PSMA2: variants seen among roughly 807,000 people sequenced by gnomAD.
PSMA2 encodes the protein proteasome subunit alpha type-2.
A neutral mutation model predicts 35.9 loss-of-function variants in PSMA2; 2 were observed. The observed-to-expected ratio is 0.06, with a 90% CI of 0.02 to 0.18. The LOEUF is 0.18. PSMA2 is among the 10% of genes least tolerant of loss of function. PSMA2 has a pLI of 1.00. For missense variants in PSMA2, 126 were observed against 278.8 expected, an observed-to-expected ratio of 0.45 and a Z score of 3.90; for synonymous variants, 97 against 98.2, an observed-to-expected ratio of 0.99 and a Z score of 0.07.
chr7:42,922,871 A>G (rs1322304173), intron 5 of PSMA2, among the ~76,000 whole-genome samples: 6 of 152,188 alleles, frequency 3.9e-5, no homozygotes. Context: ...TAGAGCAGAC[A>G]ACTTACCCAA....
Position 42,922,607 on chromosome 7 carries a change from A to G in PSMA2, c.457-676T>C, listed in dbSNP as rs1786142915. On this transcript the variant is annotated intron_variant, in intron 5 of 7. Transcript: ENST00000223321. Reference sequence around the variant, plus strand: ...AGCTCAGAGATGGAGTAACAACACTATCAAAGTTCCCAAAATACTTATTTT... The same window carrying G: ...AGCTCAGAGATGGAGTAACAACACTGTCAAAGTTCCCAAAATACTTATTTT... Among the ~76,000 whole-genome samples the G allele has an allele frequency of 2.0e-5, 3 of 152,338 alleles. No homozygotes were observed. In the South Asian group the frequency reaches 6.2e-4, roughly 32 times the overall value.
At position 42,924,594 on chromosome 7, in the gene PSMA2, C is replaced by T. The variant is rs1174368505; in HGVS notation, c.374+81G>A. On this transcript the variant is annotated intron_variant, in intron 4 of 7. Coordinates refer to ENST00000223321, the MANE Select transcript of PSMA2 (RefSeq NM_002787.5). The stretch of plus-strand genomic sequence containing the variant: ...TAAGCAAATACAGAAATGGTAAGTC[C>T]CACTCTATTTATATACCTACTCTTT... 3.6e-6 allele frequency: 5 copies of T among 1,371,974 alleles called. No individual in the cohort carries two copies. In the African/African-American group the frequency reaches 7.3e-5, roughly 20 times the overall value. 85.0% of individuals were successfully genotyped at this position (1,371,974 alleles called of 1,614,324 possible).
intron 6 of PSMA2, chr7:42,918,112 C>T (rs1169056306): frequency 2.4e-5 from 4 of 169,610 alleles, no homozygotes; most frequent in African/African-American, 1.0e-4. Flanking sequence ...TCTTGGCTTA[C>T]TGCAAGCTCC....
intron 6 of PSMA2, chr7:42,919,074 T>C: frequency 6.2e-6 from 2 of 321,572 alleles, no homozygotes; most frequent in South Asian, 6.3e-5. Context: ...TCCGCCTGCC[T>C]TGGCCTCCCA....
At position 42,917,838 on chromosome 7, in the gene PSMA2, G is replaced by T; in HGVS notation, c.531-3C>A. 2 of 1,582,300 alleles carry T rather than the reference G, an allele frequency of 1.3e-6. No individual in the cohort carries two copies. Among genetic ancestry groups the T allele is most frequent in the South Asian group, 1.2e-5 (1 of 86,784 alleles). On this transcript the variant is annotated splice_region_variant and splice_polypyrimidine_tract_variant and intron_variant, in intron 6 of 7. Coordinates refer to ENST00000223321, the MANE Select transcript of PSMA2 (RefSeq NM_002787.5). ...CAAGTTCCAGATCTTCATTATATCT[G>T]AAGAATTTAAAAAAAATTACTTATA...
chr7:42,921,630 A>G, intron 6 of PSMA2: 1 of 364,704 alleles, frequency 2.7e-6, no homozygotes, highest in Admixed American at 4.5e-5. Context: ...TTAGGAAACC[A>G]TAGAATGTAG....
intron 1 of PSMA2, among the ~76,000 whole-genome samples, chr7:42,929,071 T>C (rs1224746154): frequency 1.3e-5 from 2 of 152,044 alleles, no homozygotes; most frequent in African/African-American, 4.8e-5. Context: ...CTCGGTCTCT[T>C]TATTATTTTT....
At chr7:42,918,172 G>T in intron 6 of PSMA2, 1 of 164,996 alleles carries the variant, frequency 6.1e-6, no homozygotes, top group Non-Finnish European at 1.3e-5. Flanking sequence ...AAGTAGCTGG[G>T]ACTACAGGCG....
chr7:42,919,673 G>A, intron 6 of PSMA2: 1 of 557,008 alleles, frequency 1.8e-6, no homozygotes, highest in African/African-American at 1.9e-5. Context: ...GCTTTTGACA[G>A]TACAGTAAGT....
In PSMA2 at chr7:42,924,677, T is replaced by C; in HGVS notation, c.372A>G (p.Ser124=). ...VASVMQEYTQ[S]GGVRPFGVSL... is the part of the protein sequence containing the mutation. Reference sequence around the variant, plus strand: ...TTCAAGTAAAAAAAGCAACTTACCCTGACTGAGTATATTCTTGCATCACAG... The same window carrying C: ...TTCAAGTAAAAAAAGCAACTTACCCCGACTGAGTATATTCTTGCATCACAG... The change falls in exon 4 of 8, where the codon TCA becomes TCG. Residue 124 remains serine, a splice_region_variant and synonymous_variant. Coordinates refer to ENST00000223321, the MANE Select transcript of PSMA2 (RefSeq NM_002787.5). The C allele has an allele frequency of 6.2e-7, 1 of 1,610,306 alleles. No individual in the cohort carries two copies. Among genetic ancestry groups the C allele is most frequent in the Non-Finnish European group, 8.5e-7 (1 of 1,177,938 alleles).
chr7:42,923,755 T>G (rs980660895), intron 4 of PSMA2, among the ~76,000 whole-genome samples: 1 of 152,236 alleles, frequency 6.6e-6, no homozygotes, highest in African/African-American at 2.4e-5. Flanking sequence ...AACTTTCAGT[T>G]AATGCAGCTT....
chr7:42,918,067 A>C, intron 6 of PSMA2: 1 of 234,024 alleles, frequency 4.3e-6, no homozygotes, highest in Non-Finnish European at 7.3e-6. Context: ...AGTTTAGTTT[A>C]GGAAACTTTT....
At chr7:42,921,171 G>A (rs557722611) in intron 6 of PSMA2, 1 of 152,166 alleles carries the variant, frequency 6.6e-6, no homozygotes, top group Non-Finnish European at 1.5e-5. Context: ...ACAAAGAAAA[G>A]ACAGATGTTT....
intron 4 of PSMA2, 85 bp from the exon 5 acceptor site, chr7:42,923,491 C>A: frequency 2.0e-6 from 2 of 1,002,616 alleles, no homozygotes; most frequent in Non-Finnish European, 3.1e-6. Flanking sequence ...TCAAATAAAG[C>A]AAATTATCAG....
At chr7:42,928,947 C>A (rs1440044552) in intron 1 of PSMA2, among the ~76,000 whole-genome samples, 1 of 152,086 alleles carries the variant, frequency 6.6e-6, no homozygotes, top group Non-Finnish European at 1.5e-5. Context: ...TCCTGCACTT[C>A]CTCTTTGTCT....
chr7:42,919,903 G>A (rs1786099367), intron 6 of PSMA2: 1 of 755,278 alleles, frequency 1.3e-6, no homozygotes, highest in Admixed American at 1.7e-5. Context: ...TCTGAAGATG[G>A]AACACTGAGA....
intron 6 of PSMA2, chr7:42,919,638 G>T: frequency 5.3e-6 from 3 of 569,412 alleles, no homozygotes; most frequent in South Asian, 3.0e-5. Context: ...GAGAGATTTT[G>T]GTAATAACTT....
At chr7:42,922,332 G>T (rs540370194) in intron 5 of PSMA2, among the ~76,000 whole-genome samples, 1 of 152,044 alleles carries the variant, frequency 6.6e-6, no homozygotes, top group South Asian at 2.1e-4. Flanking sequence ...AGACTGAAGC[G>T]ATTTAAAAAT....
intron 4 of PSMA2, among the ~76,000 whole-genome samples, chr7:42,924,353 C>CAAAAAAAAAA (rs58198756): frequency 5.8e-5 from 4 of 69,418 alleles, no homozygotes; most frequent in Admixed American, 2.5e-4. Context: ...GACTCTGACT[C>CAAAAAAAAAA]AAAAAAAAAA....
Sources: allele counts gnomAD v4.1 joint callset (sites outside exome capture counted in the v4.1 genomes callset), GRCh38; gene constraint gnomAD v4.1.1; transcripts MANE v1.5; gene names NCBI Gene and HGNC (gene_info 2026-07-23, HGNC 2026-07-21).